Variants in TMEM74 observed in about 807,000 individuals in gnomAD.
The protein encoded by TMEM74 is transmembrane protein 74.
Under a neutral mutation model 18.1 loss-of-function variants are expected in TMEM74, and 13 were observed. That is an observed-to-expected ratio of 0.72 (90% CI 0.47 to 1.14). The LOEUF is 1.14. TMEM74 is among the 50% of genes most tolerant of loss of function. TMEM74 has a pLI of 0.00. For synonymous variants in TMEM74, 159 were observed against 146.6 expected, an observed-to-expected ratio of 1.08 and a Z score of -0.61; for missense variants, 372 against 375.9, an observed-to-expected ratio of 0.99 and a Z score of 0.09.
intron 2 of TMEM74, among the ~76,000 whole-genome samples, chr8:108,620,439 A>T (rs1406149897): frequency 6.6e-6 from 1 of 152,110 alleles, no homozygotes; most frequent in Non-Finnish European, 1.5e-5. Flanking sequence ...GGATGGAAAG[A>T]TATTTATTAA....
At chr8:108,673,017 A>G (rs911708714) in intron 1 of TMEM74, among the ~76,000 whole-genome samples, 1 of 152,196 alleles carries the variant, frequency 6.6e-6, no homozygotes, top group Non-Finnish European at 1.5e-5. Context: ...ACAACTTTTC[A>G]ACTTCATTTA....
At position 108,710,277 on chromosome 8, in the gene TMEM74, A is replaced by G. The variant is rs573706933; in HGVS notation, n.120-54840T>C. Among the ~76,000 whole-genome samples the G allele has an allele frequency of 2.6e-3, 402 of 152,356 alleles. 3 individuals are homozygous for G. The highest frequency in any genetic ancestry group is 4.7e-3 in the Non-Finnish European group (320 of 68,026). On this transcript the variant is annotated intron_variant and non_coding_transcript_variant, in intron 1 of 3. Transcript: ENST00000518838. ...TGCTTTACCTTTCAATCACTAGAGA[A>G]CTATAGGGACCATGATTAGACTGCC...
chr8:108,708,798 C>A (rs1813443992), intron 1 of TMEM74, among the ~76,000 whole-genome samples: 4 of 62,530 alleles, frequency 6.4e-5, no homozygotes, highest in East Asian at 6.3e-4. Context: ...GAAACTTCTA[C>A]AACTCAATAG....
Position 108,780,133 on chromosome 8 carries a change from T to G in TMEM74, c.*4048A>C, listed in dbSNP as rs1814285060. 6.6e-6 allele frequency among the ~76,000 whole-genome samples: 1 copy of G among 152,164 alleles called. No homozygotes were observed. Among genetic ancestry groups the G allele is most frequent in the Non-Finnish European group, 1.5e-5 (1 of 68,024 alleles). On this transcript the variant is annotated 3_prime_UTR_variant, in exon 2 of 2. Coordinates refer to ENST00000297459, the MANE Select transcript of TMEM74 (RefSeq NM_153015.3). ...ACCCATTACAGAGAACAGTAAGTAT[T>G]GATAGTATTACATCTTGCTGTAATA...
chr8:108,663,224 A>G (rs1331655999), intron 1 of TMEM74, among the ~76,000 whole-genome samples: 2 of 152,096 alleles, frequency 1.3e-5, no homozygotes, highest in African/African-American at 2.4e-5. Context: ...AAAGGTCTGG[A>G]TATAAGACTC....
intron 1 of TMEM74, among the ~76,000 whole-genome samples, chr8:108,689,141 T>C (rs1813200094): frequency 6.6e-6 from 1 of 152,226 alleles, no homozygotes; most frequent in Non-Finnish European, 1.5e-5. Context: ...CTTCTCTCTC[T>C]AGAAAGAGAT....
rs1814313534 is a variant in TMEM74, at chr8:108,782,072, A to C, written c.*2109T>G. ...ATGAATAAACATTAGTTTTTTCTTT[A>C]ATGCCTTCTTTTTTTTAATGCCTTC... On this transcript the variant is annotated 3_prime_UTR_variant, in exon 2 of 2. Transcript: ENST00000297459. 6.6e-6 allele frequency among the ~76,000 whole-genome samples: 1 copy of C among 152,130 alleles called. No individual in the cohort carries two copies. The highest frequency in any genetic ancestry group is 1.5e-5 in the Non-Finnish European group (1 of 68,028).
intron 1 of TMEM74, among the ~76,000 whole-genome samples, chr8:108,752,786 C>T (rs990511465): frequency 1.3e-5 from 2 of 152,086 alleles, no homozygotes; most frequent in Non-Finnish European, 2.9e-5. Context: ...TACATCTCTT[C>T]CTTTCTCTAA....
At chr8:108,704,062 G>A (rs995780519) in intron 1 of TMEM74, among the ~76,000 whole-genome samples, 3 of 152,148 alleles carry the variant, frequency 2.0e-5, no homozygotes, top group Admixed American at 2.0e-4. Flanking sequence ...GGAAAATTAG[G>A]GTTAGAAAAG....
At chr8:108,627,341 G>A (rs1166601445) in intron 2 of TMEM74, among the ~76,000 whole-genome samples, 1 of 151,972 alleles carries the variant, frequency 6.6e-6, no homozygotes. Flanking sequence ...AGTGATGTGG[G>A]AGATAGTATG....
chr8:108,707,370 A>T, intron 1 of TMEM74, among the ~76,000 whole-genome samples: 1 of 152,160 alleles, frequency 6.6e-6, no homozygotes, highest in East Asian at 1.9e-4. Context: ...TTTCCAAAGA[A>T]ATCTTCCAAA....
At chr8:108,724,427 T>C (rs10092028) in intron 1 of TMEM74, among the ~76,000 whole-genome samples, 12,361 of 152,170 alleles carry the variant, frequency 0.081, 1,459 homozygotes, top group African/African-American at 0.26. Flanking sequence ...GGATTTTGTA[T>C]GGCTAGATAC....
exon 4 of TMEM74, chr8:108,607,425 G>A (rs902633787): frequency 3.9e-5 from 6 of 152,290 alleles, no homozygotes; most frequent in African/African-American, 1.4e-4. Flanking sequence ...AGACCAACCA[G>A]CCAATAAACA....
At chr8:108,730,101 C>T (rs1563537117) in intron 1 of TMEM74, among the ~76,000 whole-genome samples, 1 of 152,182 alleles carries the variant, frequency 6.6e-6, no homozygotes, top group Non-Finnish European at 1.5e-5. Context: ...TGCCTTTTGA[C>T]TAAAAAGGAA....
chr8:108,764,569 C>T (rs1371576284), intron 1 of TMEM74, among the ~76,000 whole-genome samples: 1 of 152,030 alleles, frequency 6.6e-6, no homozygotes, highest in African/African-American at 2.4e-5. Context: ...TACCTTATTC[C>T]TCTGTATGCA....
intron 1 of TMEM74, among the ~76,000 whole-genome samples, chr8:108,697,670 C>A (rs1259189226): frequency 6.6e-6 from 1 of 152,124 alleles, no homozygotes; most frequent in Non-Finnish European, 1.5e-5. Context: ...TTTCAAAACG[C>A]TGGGATTGCA....
intron 1 of TMEM74, among the ~76,000 whole-genome samples, chr8:108,679,660 T>C (rs1813092487): frequency 6.6e-6 from 1 of 152,156 alleles, no homozygotes; most frequent in Admixed American, 6.5e-5. Context: ...CTTTGTCAGA[T>C]GAGTAGGTTG....
chr8:108,665,506 T>G (rs376013454), intron 1 of TMEM74, among the ~76,000 whole-genome samples: 3 of 152,110 alleles, frequency 2.0e-5, no homozygotes, highest in African/African-American at 4.8e-5. Context: ...TCCAAAGATT[T>G]CTGAGTACAT....
chr8:108,747,898 C>T (rs1225602923), intron 1 of TMEM74, among the ~76,000 whole-genome samples: 1 of 152,078 alleles, frequency 6.6e-6, no homozygotes, highest in East Asian at 1.9e-4. Flanking sequence ...TGATCTCATT[C>T]CTTTTTATGG....
Sources: allele counts gnomAD v4.1 joint callset (sites outside exome capture counted in the v4.1 genomes callset), GRCh38; gene constraint gnomAD v4.1.1; transcripts MANE v1.5; gene names NCBI Gene and HGNC (gene_info 2026-07-23, HGNC 2026-07-21).